The following ZC3H15 variants were observed in gnomAD, a reference collection of about 807,000 sequenced individuals.
ZC3H15 encodes zinc finger CCCH-type containing 15.
ZC3H15 carries 15 observed loss-of-function variants against 51.2 expected under a neutral mutation model. The observed-to-expected ratio is 0.29, with a 90% CI of 0.20 to 0.45. ZC3H15 has a LOEUF of 0.45. ZC3H15 is among the 20% of genes least tolerant of loss of function. The pLI, the probability that ZC3H15 is intolerant of heterozygous loss-of-function variation, is 1.00. For missense variants in ZC3H15, 381 were observed against 494.7 expected (o/e 0.77, Z 2.18); for synonymous variants, 144 against 162.8 (o/e 0.88, Z 0.88).
chr2:186,490,876 C>T (rs1685186379), intron 1 of ZC3H15, among the ~76,000 whole-genome samples: 1 of 152,204 alleles, frequency 6.6e-6, no homozygotes, highest in African/African-American at 2.4e-5. Flanking sequence ...CTGAAACACA[C>T]ATAAACACGC....
rs574629910 is a variant in ZC3H15, at chr2:186,502,372, C to T, written c.443-124C>T. On this transcript the variant is annotated intron_variant, in intron 4 of 9. Coordinates refer to ENST00000337859, the MANE Select transcript of ZC3H15 (RefSeq NM_018471.3). The stretch of plus-strand genomic sequence containing the variant: ...GAGCAACAGTGAGACCCCGTCTCAA[C>T]AAAAAGAAAAAGAAAAATGTGTTAA... The T allele has an allele frequency of 1.6e-4, 131 of 796,126 alleles. 1 individual carries two copies. The highest frequency in any genetic ancestry group is 2.4e-5 in the Non-Finnish European group (13 of 534,144). The allele number at this position is 796,126 out of a possible 1,614,324, so 49.3% of individuals were successfully genotyped here.
chr2:186,497,647 T>C (rs1685304353), intron 2 of ZC3H15, among the ~76,000 whole-genome samples: 1 of 152,210 alleles, frequency 6.6e-6, no homozygotes, highest in South Asian at 2.1e-4. Flanking sequence ...GATATCAATA[T>C]GTAAGAAGAA....
intron 1 of ZC3H15, chr2:186,488,795 GCAT>G (rs1364332352): frequency 3.6e-5 from 5 of 139,258 alleles, no homozygotes; most frequent in Non-Finnish European, 7.8e-5. Flanking sequence ...TACAGGATAG[GCAT>G]CATTAGGGGA....
chr2:186,490,300 G>A (rs905885576), intron 1 of ZC3H15, among the ~76,000 whole-genome samples: 1 of 152,148 alleles, frequency 6.6e-6, no homozygotes, highest in Non-Finnish European at 1.5e-5. Context: ...GCAATAGAAA[G>A]TTTGAATATG....
Position 186,506,062 on chromosome 2 carries a change from T to G in ZC3H15, c.966+221T>G, listed in dbSNP as rs779140076. The G allele has an allele frequency of 5.0e-5, 32 of 637,824 alleles. 1 individual carries two copies. Among genetic ancestry groups the G allele is most frequent in the South Asian group, 3.5e-4 (21 of 60,576 alleles). 39.5% of individuals were successfully genotyped at this position (637,824 alleles called of 1,614,324 possible). On this transcript the variant is annotated intron_variant, in intron 8 of 9. Coordinates refer to ENST00000337859, the MANE Select transcript of ZC3H15 (RefSeq NM_018471.3). Reference sequence around the variant, plus strand: ...GTGAGAATTAATCGAGTTCATGAATTAGTAGTTCTTTATACAGCTTAGGAC... The same window carrying G: ...GTGAGAATTAATCGAGTTCATGAATGAGTAGTTCTTTATACAGCTTAGGAC...
intron 8 of ZC3H15, chr2:186,506,092 C>G: frequency 1.8e-6 from 1 of 555,174 alleles, no homozygotes; most frequent in East Asian, 3.4e-5. Context: ...TAGGACAGTG[C>G]CTAGTATGTG....
Position 186,508,905 on chromosome 2 carries a change from G to A in ZC3H15, c.*172G>A. The A allele has an allele frequency of 1.5e-6, 1 of 686,642 alleles. No individual in the cohort carries two copies. Among genetic ancestry groups the A allele is most frequent in the African/African-American group, 1.8e-5 (1 of 56,002 alleles). The allele number at this position is 686,642 out of a possible 1,614,324, so 42.5% of individuals were successfully genotyped here. A position where few individuals can be genotyped will look rare whatever the true frequency, so the allele number is the denominator to read the frequency against. On this transcript the variant is annotated 3_prime_UTR_variant, in exon 10 of 10. Coordinates refer to ENST00000337859, the MANE Select transcript of ZC3H15 (RefSeq NM_018471.3). Reference sequence around the variant, plus strand: ...CCCTACATCTTCTCTTCTGACTTTGGCTACATCTCATAGTAAGTTCAGAGT... The same window carrying A: ...CCCTACATCTTCTCTTCTGACTTTGACTACATCTCATAGTAAGTTCAGAGT...
Position 186,509,067 on chromosome 2 carries a change from A to G in ZC3H15, c.*334A>G, listed in dbSNP as rs1202351300. 1 of 476,066 alleles carries G rather than the reference A, an allele frequency of 2.1e-6. No homozygotes were observed. Among genetic ancestry groups the G allele is most frequent in the Non-Finnish European group, 4.2e-6 (1 of 240,338 alleles). The allele number at this position is 476,066 out of a possible 1,614,324, so 29.5% of individuals were successfully genotyped here. On this transcript the variant is annotated 3_prime_UTR_variant, in exon 10 of 10. Transcript: ENST00000337859. ...GCATGTGCTATTACCAGAAACAACA[A>G]ACTTATATTTAAAATACCCTTCATT...
intron 9 of ZC3H15, among the ~76,000 whole-genome samples, chr2:186,507,887 A>C (rs1347686296): frequency 6.6e-6 from 1 of 152,232 alleles, no homozygotes; most frequent in African/African-American, 2.4e-5. Context: ...CAGAGATTAT[A>C]AAATTCCCAA....
At chr2:186,504,010 G>C (rs775899974) in intron 5 of ZC3H15, 22 bp from the exon 6 acceptor site, 1 of 1,531,106 alleles carries the variant, frequency 6.5e-7, no homozygotes, top group Non-Finnish European at 8.8e-7. Context: ...GCCACCGCTT[G>C]TGAATAATAT....
At position 186,504,169 on chromosome 2, in the gene ZC3H15, A is replaced by G. The variant is rs1685430580; in HGVS notation, c.672A>G (p.Glu224=). The part of the protein sequence containing the change: ...GFVLKKDKKK[E]EKEDEISLED... ...TGTTGAAAAAAGATAAAAAGAAAGAAGAGAAAGAAGATGAAATTTCATTAG... is the reference window on the plus strand; with the variant it reads ...TGTTGAAAAAAGATAAAAAGAAAGAGGAGAAAGAAGATGAAATTTCATTAG... Residue 224 remains glutamate (E), a synonymous_variant, in exon 6 of 10, where the codon GAA becomes GAG. Transcript: ENST00000337859. 2 of 1,606,138 alleles carry G rather than the reference A, an allele frequency of 1.2e-6. No individual in the cohort carries two copies. Among genetic ancestry groups the G allele is most frequent in the Non-Finnish European group, 1.7e-6 (2 of 1,176,106 alleles).
intron 2 of ZC3H15, among the ~76,000 whole-genome samples, chr2:186,496,911 C>T (rs1408896358): frequency 6.6e-6 from 1 of 152,166 alleles, no homozygotes; most frequent in African/African-American, 2.4e-5. Context: ...TAATTCTGTG[C>T]TTGACTGTAC....
Position 186,500,210 on chromosome 2 carries a change from TGAA to T in ZC3H15, c.211_213del (p.Lys71del). 1.2e-6 allele frequency: 2 copies of T among 1,613,494 alleles called. No homozygotes were observed. The highest frequency in any genetic ancestry group is 1.7e-6 in the Non-Finnish European group (2 of 1,179,830). ...GCACAGAGTGAAGCTGAAAAGAAAT[TGAA>T]GAAGGATGACAAGAAGAAAGAATTG... On this transcript the variant is annotated inframe_deletion, in exon 3 of 10. Coordinates refer to ENST00000337859, the MANE Select transcript of ZC3H15 (RefSeq NM_018471.3).
intron 2 of ZC3H15, among the ~76,000 whole-genome samples, chr2:186,497,653 A>G (rs1404012987): frequency 6.6e-6 from 1 of 152,192 alleles, no homozygotes; most frequent in African/African-American, 2.4e-5. Flanking sequence ...AATATGTAAG[A>G]AGAACTCACT....
chr2:186,497,034 G>A, intron 2 of ZC3H15: 1 of 353,696 alleles, frequency 2.8e-6, no homozygotes, highest in Non-Finnish European at 5.4e-6. Flanking sequence ...TTTATCCATT[G>A]GCAACTCATT....
chr2:186,487,645 A>G (rs534870759), intron 1 of ZC3H15, among the ~76,000 whole-genome samples: 2 of 152,310 alleles, frequency 1.3e-5, no homozygotes, highest in South Asian at 4.1e-4. Flanking sequence ...TGTGTTTTCT[A>G]TTACCTTATT....
intron 1 of ZC3H15, among the ~76,000 whole-genome samples, chr2:186,491,323 G>A (rs944010084): frequency 5.9e-5 from 9 of 152,118 alleles, no homozygotes; most frequent in Non-Finnish European, 1.0e-4. Flanking sequence ...GAGAAGGAGA[G>A]AAGAGAGACA....
intron 2 of ZC3H15, among the ~76,000 whole-genome samples, chr2:186,496,090 A>G (rs969367044): frequency 1.3e-5 from 2 of 152,244 alleles, no homozygotes; most frequent in Non-Finnish European, 2.9e-5. Context: ...ATGTATATAT[A>G]GAGTTTAATA....
At position 186,505,720 on chromosome 2, in the gene ZC3H15, A is replaced by G; in HGVS notation, c.865-20A>G. On this transcript the variant is annotated intron_variant, in intron 7 of 9. Transcript: ENST00000337859. The stretch of plus-strand genomic sequence containing the variant: ...GTTTAGATTTTTGTCCTGAGTTGAT[A>G]TATTTGTGTGTCTCAATAGATCAGT... The G allele has an allele frequency of 6.2e-7, 1 of 1,611,438 alleles. No individual in the cohort carries two copies. The highest frequency in any genetic ancestry group is 8.5e-7 in the Non-Finnish European group (1 of 1,177,774).
Sources: gnomAD v4.1 joint callset for allele counts (sites outside exome capture counted in the v4.1 genomes callset) on GRCh38, gnomAD v4.1.1 for gene constraint, MANE v1.5 for transcripts, NCBI Gene and HGNC (gene_info 2026-07-23, HGNC 2026-07-21) for gene names.